CPSF3: variants seen among roughly 807,000 people sequenced by gnomAD.
CPSF3 encodes the protein cleavage and polyadenylation specific factor 3.
Under a neutral mutation model 84.1 loss-of-function variants are expected in CPSF3, and 57 were observed. That is an observed-to-expected ratio of 0.68 (90% confidence interval 0.55 to 0.85). CPSF3 has a LOEUF of 0.85. Ranked by LOEUF, CPSF3 falls within the 40% of genes least tolerant of loss-of-function variation. CPSF3 has a pLI of 0.00. For missense variants in CPSF3, 522 were observed against 838.8 expected (o/e 0.62, Z 4.66); for synonymous variants, 275 against 278.1 (o/e 0.99, Z 0.11).
intron 17 of CPSF3, among the ~76,000 whole-genome samples, chr2:9,472,526 C>T (rs1052339587): frequency 2.0e-5 from 3 of 152,084 alleles, no homozygotes; most frequent in Admixed American, 6.6e-5. Context: ...TCTTTCACCC[C>T]AGCCTCAAGT....
chr2:9,426,968 C>T (rs190163216), intron 1 of CPSF3, among the ~76,000 whole-genome samples: 71 of 151,338 alleles, frequency 4.7e-4, no homozygotes, highest in South Asian at 1.0e-3. Flanking sequence ...AATTGAGGAG[C>T]GAGTAGAAGG....
chr2:9,452,589 G>A (rs1045014264), intron 11 of CPSF3, among the ~76,000 whole-genome samples: 4 of 152,240 alleles, frequency 2.6e-5, no homozygotes, highest in Middle Eastern at 3.4e-3. Flanking sequence ...TGCGTTTCAC[G>A]GGGACTTCCC....
chr2:9,459,643 T>TCC, intron 15 of CPSF3, 25 bp downstream of exon 15: 1 of 706,880 alleles, frequency 1.4e-6, no homozygotes, highest in Non-Finnish European at 2.0e-6. Context: ...TTATCCTTTT[T>TCC]TTTTTTTTTT....
chr2:9,446,682 T>C (rs1681137991), intron 10 of CPSF3, among the ~76,000 whole-genome samples: 1 of 150,564 alleles, frequency 6.6e-6, no homozygotes, highest in Admixed American at 6.6e-5. Context: ...CCTTGAACCC[T>C]CGAGGCAGAG....
At chr2:9,434,586 C>T (rs115888032) in intron 6 of CPSF3, among the ~76,000 whole-genome samples, 1,609 of 152,222 alleles carry the variant, frequency 0.011, 13 homozygotes, top group Non-Finnish European at 0.014. Flanking sequence ...GAACATCTTA[C>T]GGGTCATTTT....
At chr2:9,439,640 G>A (rs1047580140) in intron 7 of CPSF3, among the ~76,000 whole-genome samples, 3 of 152,006 alleles carry the variant, frequency 2.0e-5, no homozygotes, top group Non-Finnish European at 4.4e-5. Context: ...GTCTTTTGAC[G>A]GTATATTACC....
Position 9,466,403 on chromosome 2 carries a change from C to T in CPSF3, c.1787-1304C>T, listed in dbSNP as rs550591261. Among the ~76,000 whole-genome samples the T allele has an allele frequency of 6.5e-4, 94 of 143,650 alleles. 1 individual carries two copies. Among genetic ancestry groups the T allele is most frequent in the African/African-American group, 2.5e-3 (92 of 37,104 alleles). 94.2% of individuals were successfully genotyped at this position (143,650 alleles called of 152,430 possible). A position where few individuals can be genotyped will look rare whatever the true frequency, so the allele number is the denominator to read the frequency against. ...ACTCGCACACACGCGCACACACACGCACGCGCACACACGCACACGCGCACA... is the reference window on the plus strand; with the variant it reads ...ACTCGCACACACGCGCACACACACGTACGCGCACACACGCACACGCGCACA... On this transcript the variant is annotated intron_variant, in intron 15 of 17. Coordinates refer to ENST00000238112, the MANE Select transcript of CPSF3 (RefSeq NM_016207.4).
rs1680559642 is a variant in CPSF3, at chr2:9,430,842, T to G, written c.303T>G (p.Ala101=). 1 of 1,613,108 alleles carries G rather than the reference T, an allele frequency of 6.2e-7. No homozygotes were observed. The highest frequency in any genetic ancestry group is 8.5e-7 in the Non-Finnish European group (1 of 1,179,112). Residue 101 remains alanine, a synonymous_variant, in exon 4 of 18, where the codon GCT becomes GCG. Coordinates refer to ENST00000238112, the MANE Select transcript of CPSF3 (RefSeq NM_016207.4). The part of the protein sequence containing the change: ...GRTFMTHATK[A]IYRWLLSDYV... ...CATTTATGACTCATGCCACAAAAGC[T>G]ATTTATAGATGGCTTCTTTCTGATT... is the stretch of plus-strand genomic sequence containing the variant.
At position 9,452,908 on chromosome 2, in the gene CPSF3, T is replaced by A. The variant is rs765205952; in HGVS notation, c.1396-5T>A. 6.4e-7 allele frequency: 1 copy of A among 1,572,452 alleles called. No individual in the cohort carries two copies. The highest frequency in any genetic ancestry group is 2.2e-5 in the East Asian group (1 of 44,710). On this transcript the variant is annotated splice_polypyrimidine_tract_variant and splice_region_variant and intron_variant, in intron 11 of 17. Coordinates refer to ENST00000238112, the MANE Select transcript of CPSF3 (RefSeq NM_016207.4). ...CTATTTTCTTCAAGTATTTTTTTTTTACAGGTTATGGGATTTTTAGCAGAC... is the reference window on the plus strand; with the variant it reads ...CTATTTTCTTCAAGTATTTTTTTTTAACAGGTTATGGGATTTTTAGCAGAC...
At chr2:9,426,501 A>G (rs1438252115) in intron 1 of CPSF3, among the ~76,000 whole-genome samples, 2 of 152,216 alleles carry the variant, frequency 1.3e-5, no homozygotes. Flanking sequence ...AAGGTCTAGA[A>G]TTCAGAAGAA....
At chr2:9,427,198 G>C (rs1680423342) in intron 1 of CPSF3, among the ~76,000 whole-genome samples, 1 of 152,188 alleles carries the variant, frequency 6.6e-6, no homozygotes, top group Non-Finnish European at 1.5e-5. Context: ...ACGTAGAGTA[G>C]AATGGTGGAA....
At chr2:9,466,410 A>G (rs1040454518) in intron 15 of CPSF3, among the ~76,000 whole-genome samples, 9 of 142,292 alleles carry the variant, frequency 6.3e-5, no homozygotes, top group East Asian at 4.0e-4. Context: ...ACGCACGCGC[A>G]CACACGCACA....
chr2:9,434,337 C>G (rs569082612), intron 6 of CPSF3, among the ~76,000 whole-genome samples: 2 of 151,210 alleles, frequency 1.3e-5, no homozygotes, highest in South Asian at 2.1e-4. Flanking sequence ...CTGCTGCACT[C>G]GAGCCTGGGC....
rs755553163 is a variant in CPSF3, at chr2:9,441,978, T to C, written c.1095+2T>C. 1 of 1,614,036 alleles carries C rather than the reference T, an allele frequency of 6.2e-7. No individual in the cohort carries two copies. The highest frequency in any genetic ancestry group is 1.7e-5 in the Admixed American group (1 of 60,018). ...TGTGTAGAAGGGACACTTGCCAAGG[T>C]CAGTTACAGTCATAGGCTGTTGTGT... On this transcript the variant is annotated splice_donor_variant, in intron 9 of 17. Coordinates refer to ENST00000238112, the MANE Select transcript of CPSF3 (RefSeq NM_016207.4). LOFTEE classifies it high-confidence loss of function.
intron 12 of CPSF3, 92 bp from the exon 13 acceptor site, chr2:9,455,567 C>A: frequency 2.2e-6 from 2 of 889,328 alleles, no homozygotes; most frequent in South Asian, 1.6e-5. Context: ...AACATGTTCA[C>A]ATTTACTTGC....
intron 12 of CPSF3, among the ~76,000 whole-genome samples, chr2:9,454,831 A>G (rs937218718): frequency 6.6e-6 from 1 of 152,058 alleles, no homozygotes; most frequent in African/African-American, 2.4e-5. Context: ...GGCGTGAGCC[A>G]CTGCGCCGGG....
chr2:9,425,746 GTTTACATACCATACAACTCACAA>G (rs61197572), intron 1 of CPSF3, among the ~76,000 whole-genome samples: 84,582 of 151,648 alleles, frequency 0.56, 24,624 homozygotes, highest in Middle Eastern at 0.7. Context: ...TTGAGATACA[GTTTACATACCATACAACTCACAA>G]TTTACATACC....
chr2:9,443,363 T>C (rs1681018950), intron 9 of CPSF3, 152 bp from the exon 10 acceptor site: 4 of 680,532 alleles, frequency 5.9e-6, no homozygotes, highest in Middle Eastern at 4.2e-4. Context: ...AACATGAGTA[T>C]TTGATATTTA....
At chr2:9,471,632 A>C (rs1310130190) in intron 17 of CPSF3, among the ~76,000 whole-genome samples, 193 bp downstream of exon 17, 3 of 152,030 alleles carry the variant, frequency 2.0e-5, no homozygotes, top group Non-Finnish European at 4.4e-5. Flanking sequence ...GGGTTACTGC[A>C]TAGTACAAGG....
Sources: gnomAD v4.1 joint callset for allele counts (sites outside exome capture counted in the v4.1 genomes callset) on GRCh38, gnomAD v4.1.1 for gene constraint, MANE v1.5 for transcripts, NCBI Gene and HGNC (gene_info 2026-07-23, HGNC 2026-07-21) for gene names.